Variants in WRN observed in about 807,000 individuals in gnomAD.
WRN encodes bifunctional 3'-5' exonuclease/ATP-dependent helicase WRN.
A neutral mutation model predicts 180.7 loss-of-function variants in WRN; 149 were observed. The ratio of observed to expected loss-of-function variants is 0.82; its 90% confidence interval spans 0.72 to 0.94. WRN has a LOEUF of 0.94. WRN is among the 40% of genes least tolerant of loss of function. The probability of loss-of-function intolerance (pLI) is 0.00; values close to 1 mark genes in which losing one functional copy is unlikely to be tolerated. For missense variants in WRN, 1,661 were observed against 1,700.1 expected (o/e 0.98, Z 0.40); for synonymous variants, 548 against 568.9 (o/e 0.96, Z 0.52).
In WRN at chr8:31,175,728, A is replaced by G. The variant is rs1362442720; in HGVS notation, c.*2626A>G. Among the ~76,000 whole-genome samples the G allele has an allele frequency of 6.6e-6, 1 of 152,242 alleles. No individual in the cohort carries two copies. The highest frequency in any genetic ancestry group is 2.4e-5 in the African/African-American group (1 of 41,468). On this transcript the variant is annotated 3_prime_UTR_variant, in exon 35 of 35. Coordinates refer to ENST00000298139, the MANE Select transcript of WRN (RefSeq NM_000553.6). ...TATACTTCAGCCAAAACAGCATATC[A>G]AAATGGATTGAATGCAGAAGTAGAT...
intron 33 of WRN, among the ~76,000 whole-genome samples, chr8:31,162,811 A>G (rs1014184110): frequency 6.6e-5 from 10 of 152,192 alleles, no homozygotes; most frequent in Non-Finnish European, 1.2e-4. Flanking sequence ...TATGTGGTGC[A>G]TGACTGTAAA....
chr8:31,171,140 C>T (rs1804085738), intron 34 of WRN: 1 of 152,120 alleles, frequency 6.6e-6, no homozygotes, highest in African/African-American at 2.4e-5. Flanking sequence ...AAAGTTCAAA[C>T]CTGGTTCTGC....
At chr8:31,172,933 C>T (rs1427336864) in intron 34 of WRN, 62 bp from the exon 35 acceptor site, 2 of 1,508,282 alleles carry the variant, frequency 1.3e-6, no homozygotes, top group Admixed American at 1.7e-5. Context: ...TACTTTTTTG[C>T]AACTAATACC....
chr8:31,173,223 T>C lies in WRN; in HGVS notation c.*121T>C. On this transcript the variant is annotated 3_prime_UTR_variant, in exon 35 of 35. Transcript: ENST00000298139. ...AAATCATTCTAATTACAAAGTTCAC[T>C]GTTTATTGAAGAACTGGCATCTTAA... 1.0e-6 allele frequency: 1 copy of C among 997,206 alleles called. No individual in the cohort carries two copies. The highest frequency in any genetic ancestry group is 1.5e-6 in the Non-Finnish European group (1 of 653,544). The allele number at this position is 997,206 out of a possible 1,614,324, so 61.8% of individuals were successfully genotyped here.
chr8:31,072,298 C>T (rs531297040), intron 7 of WRN, among the ~76,000 whole-genome samples: 7 of 152,302 alleles, frequency 4.6e-5, no homozygotes, highest in South Asian at 2.1e-4. Context: ...TTTGGCAATG[C>T]GCCAATCATT....
chr8:31,081,148 T>C lies in WRN; in HGVS notation c.1121T>C (p.Phe374Ser). Residue 374 changes from phenylalanine to serine, a missense_variant, in exon 9 of 35, where the codon TTT becomes TCT. By Grantham distance (155) the Phe-to-Ser change is radical. Coordinates refer to ENST00000298139, the MANE Select transcript of WRN (RefSeq NM_000553.6). The stretch of plus-strand genomic sequence containing the variant: ...AAAGTGGAACGAAAAGAAGATGGAT[T>C]TGAAGATGGAGTAGAAGACAACAAA... Reference protein sequence around the residue: ...GNKVERKEDGFEDGVEDNKLK... With the variant: ...GNKVERKEDGSEDGVEDNKLK... 6.2e-7 allele frequency: 1 copy of C among 1,613,994 alleles called. No individual in the cohort carries two copies. The highest frequency in any genetic ancestry group is 8.5e-7 in the Non-Finnish European group (1 of 1,179,968).
rs551987556 is a variant in WRN at position 31,136,861 on chromosome 8, G to A, written c.2967+4355G>A. 5.9e-5 allele frequency among the ~76,000 whole-genome samples: 9 copies of A among 152,120 alleles called. No individual in the cohort carries two copies. In the East Asian group the frequency reaches 1.7e-3, roughly 29 times the overall value. On this transcript the variant is annotated intron_variant, in intron 24 of 34. Transcript: ENST00000298139. ...CGAATGAATGAATGAATGAATGAAT[G>A]AATGAATGAATGCCCAAATCCGTAA...
chr8:31,111,477 G>T, intron 18 of WRN, 138 bp from the exon 19 acceptor site: 1 of 987,390 alleles, frequency 1.0e-6, no homozygotes, highest in Non-Finnish European at 1.5e-6. Context: ...TTTTTTCTTT[G>T]CAAAAAAATT....
At chr8:31,123,403 A>C (rs1039554382) in intron 21 of WRN, among the ~76,000 whole-genome samples, 2 of 152,094 alleles carry the variant, frequency 1.3e-5, no homozygotes, top group Non-Finnish European at 2.9e-5. Flanking sequence ...GACGTCTTGG[A>C]ATGTATCCCT....
At chr8:31,081,435 T>C in intron 9 of WRN, 139 bp downstream of exon 9, 1 of 899,622 alleles carries the variant, frequency 1.1e-6, no homozygotes, top group Non-Finnish European at 1.7e-6. Flanking sequence ...TCTGTTATTG[T>C]AGTGTGAAAG....
intron 1 of WRN, among the ~76,000 whole-genome samples, chr8:31,057,608 T>G (rs978522857): frequency 2.6e-5 from 4 of 152,096 alleles, no homozygotes; most frequent in African/African-American, 9.7e-5. Context: ...TGCTACCTCC[T>G]TATTACAAAT....
At position 31,116,458 on chromosome 8, in the gene WRN, C is replaced by T; in HGVS notation, c.2378C>T (p.Thr793Ile). 6.2e-7 allele frequency: 1 copy of T among 1,614,004 alleles called. No individual in the cohort carries two copies. Among genetic ancestry groups the T allele is most frequent in the Non-Finnish European group, 8.5e-7 (1 of 1,179,944 alleles). Residue 793 changes from threonine to isoleucine, a missense_variant, in exon 20 of 35, where the codon ACA becomes ATA. This residue lies in a region of WRN where 1,141 missense variants were observed against 1,149.4 expected (regional missense o/e 0.99). Transcript: ENST00000298139. ...ELRKLNLSCG[T>I]YHAGMSFSTR... is the part of the protein sequence containing the mutation. ...AGGAAACTGAATCTATCCTGTGGAA[C>T]ATACCATGCGGGCATGAGTTTTAGC...
intron 31 of WRN, 75 bp from the exon 32 acceptor site, chr8:31,154,549 G>T: frequency 1.3e-6 from 2 of 1,483,800 alleles, no homozygotes; most frequent in Admixed American, 2.1e-5. Flanking sequence ...TTTTCTTAAT[G>T]GCTAATTATC....
Position 31,154,622 on chromosome 8 carries a change from A to G in WRN, c.3688-2A>G, listed in dbSNP as rs2130469632. ...ATTTGTGCTACATTAAAAATTCTGT[A>G]GACAGACCTCTTTTCAAGTACAAAA... On this transcript the variant is annotated splice_acceptor_variant, in intron 31 of 34. Coordinates refer to ENST00000298139, the MANE Select transcript of WRN (RefSeq NM_000553.6). LOFTEE classifies it high-confidence loss of function. The G allele has an allele frequency of 6.2e-7, 1 of 1,611,366 alleles. No individual in the cohort carries two copies. The highest frequency in any genetic ancestry group is 8.5e-7 in the Non-Finnish European group (1 of 1,178,232).
At position 31,147,378 on chromosome 8, in the gene WRN, C is replaced by T; in HGVS notation, c.3474C>T (p.Gly1158=). The change falls in exon 30 of 35, where the codon GGC becomes GGT. Residue 1158 remains glycine (G), a synonymous_variant. Transcript: ENST00000298139. ...TTTTTGTTCAGATTGTGTTATATGG[C>T]AAATTGGTAGAAGCTAGGCAGAAAC... ...QEQETQIVLY[G]KLVEARQKHA... The T allele has an allele frequency of 6.2e-7, 1 of 1,613,882 alleles. No homozygotes were observed. The highest frequency in any genetic ancestry group is 1.3e-5 in the African/African-American group (1 of 75,002).
At chr8:31,095,200 A>AT (rs1000712412) in intron 16 of WRN, among the ~76,000 whole-genome samples, 1 of 152,024 alleles carries the variant, frequency 6.6e-6, no homozygotes, top group Non-Finnish European at 1.5e-5. Flanking sequence ...TATATTGAGC[A>AT]TTTTTCATAC....
At chr8:31,171,714 A>G in intron 34 of WRN, 1 of 152,156 alleles carries the variant, frequency 6.6e-6, no homozygotes, top group East Asian at 1.9e-4. Flanking sequence ...TTTAAATATA[A>G]AGTTTCAGAG....
intron 1 of WRN, among the ~76,000 whole-genome samples, chr8:31,042,660 T>G (rs746735306): frequency 3.3e-5 from 5 of 152,208 alleles, no homozygotes; most frequent in South Asian, 2.1e-4. Flanking sequence ...GTGGGCTGCT[T>G]CTTTGTCTAG....
At chr8:31,043,565 A>G (rs983766309) in intron 1 of WRN, among the ~76,000 whole-genome samples, 1 of 151,922 alleles carries the variant, frequency 6.6e-6, no homozygotes, top group Non-Finnish European at 1.5e-5. Context: ...TGTTAAGGTA[A>G]TCAGCCTCTT....
Sources: gnomAD v4.1 joint callset for allele counts (sites outside exome capture counted in the v4.1 genomes callset) on GRCh38, gnomAD v4.1.1 for gene constraint, gnomAD v4.1.1 regional missense constraint, MANE v1.5 for transcripts, NCBI Gene and HGNC (gene_info 2026-07-23, HGNC 2026-07-21) for gene names.